The following PDE4D variants were observed in gnomAD, a reference collection of about 807,000 sequenced individuals.
PDE4D encodes the protein phosphodiesterase 4D.
In PDE4D, 24 loss-of-function variants were observed where a neutral mutation model predicts 87.4. That is an observed-to-expected ratio of 0.27 (90% CI 0.20 to 0.39). The LOEUF (loss-of-function observed/expected upper bound fraction) is 0.39. Among genes scored for constraint, PDE4D ranks in the 10% least tolerant of loss-of-function variants. PDE4D has a pLI of 1.00. For missense variants in PDE4D, 714 were observed against 1,041.0 expected (o/e 0.69, Z 4.32); for synonymous variants, 384 against 383.2 (o/e 1.00, Z -0.02).
chr5:59,625,163 C>A (rs1316350348), intron 1 of PDE4D, among the ~76,000 whole-genome samples: 1 of 152,122 alleles, frequency 6.6e-6, no homozygotes, highest in Non-Finnish European at 1.5e-5. Context: ...AGAGTGCTTT[C>A]TTTAGCTAGA....
intron 2 of PDE4D, among the ~76,000 whole-genome samples, chr5:60,108,565 C>T (rs1777305496): frequency 6.6e-6 from 1 of 152,216 alleles, no homozygotes; most frequent in Non-Finnish European, 1.5e-5. Context: ...AATCCTAAGC[C>T]AAAAGAACAA....
At chr5:59,528,868 T>C (rs1159469468) in intron 1 of PDE4D, 1 of 296,074 alleles carries the variant, frequency 3.4e-6, no homozygotes, top group Non-Finnish European at 6.7e-6. Context: ...CAAAATGTCA[T>C]TCCCAAAGTT....
intron 2 of PDE4D, among the ~76,000 whole-genome samples, chr5:60,126,031 C>A (rs1175157344): frequency 1.3e-5 from 2 of 152,056 alleles, no homozygotes; most frequent in Admixed American, 6.6e-5. Flanking sequence ...GGGCATGGTT[C>A]TTTTGAGTTA....
At chr5:59,469,916 A>G (rs1802188003) in intron 1 of PDE4D, among the ~76,000 whole-genome samples, 1 of 152,140 alleles carries the variant, frequency 6.6e-6, no homozygotes, top group African/African-American at 2.4e-5. Context: ...GGTCAAAACC[A>G]AGAAGCACAA....
At chr5:59,322,812 A>G (rs1774953853) in intron 1 of PDE4D, among the ~76,000 whole-genome samples, 1 of 152,100 alleles carries the variant, frequency 6.6e-6, no homozygotes, top group Admixed American at 6.6e-5. Context: ...ACGCCCTGGG[A>G]GATCACTGGT....
At chr5:60,150,636 T>C (rs1299771339) in intron 2 of PDE4D, among the ~76,000 whole-genome samples, 1 of 152,182 alleles carries the variant, frequency 6.6e-6, no homozygotes, top group Non-Finnish European at 1.5e-5. Flanking sequence ...CTGTGTCCTC[T>C]GTCATTATAA....
intron 2 of PDE4D, among the ~76,000 whole-genome samples, chr5:59,197,900 C>G (rs144592059): frequency 6.6e-6 from 1 of 152,168 alleles, no homozygotes; most frequent in Admixed American, 6.5e-5. Context: ...CGCCTTGCCA[C>G]GTAAAGTGGG....
chr5:59,220,377 CAAAAAA>C (rs57610513), intron 1 of PDE4D, among the ~76,000 whole-genome samples: 34 of 36,150 alleles, frequency 9.4e-4, no homozygotes, highest in South Asian at 6.6e-3. Flanking sequence ...GACTCTGTCT[CAAAAAA>C]AAAAAAAAAA....
chr5:59,216,513 G>C (rs987104370), intron 1 of PDE4D, among the ~76,000 whole-genome samples: 1 of 152,024 alleles, frequency 6.6e-6, no homozygotes, highest in Non-Finnish European at 1.5e-5. Context: ...CTTTATATTA[G>C]TGTCTTGAAT....
intron 5 of PDE4D, among the ~76,000 whole-genome samples, chr5:59,067,285 G>A (rs1764093921): frequency 6.6e-6 from 1 of 151,960 alleles, no homozygotes; most frequent in Admixed American, 6.6e-5. Context: ...CCAAAGTGCT[G>A]GGATTACAGG....
At chr5:59,807,685 CA>C (rs1419504755) in intron 1 of PDE4D, among the ~76,000 whole-genome samples, 1 of 152,168 alleles carries the variant, frequency 6.6e-6, no homozygotes, top group Admixed American at 6.5e-5. Context: ...ACTGAGGGAG[CA>C]GATAGAACCG....
At chr5:59,629,003 T>C (rs1201463536) in intron 1 of PDE4D, among the ~76,000 whole-genome samples, 1 of 152,134 alleles carries the variant, frequency 6.6e-6, no homozygotes, top group Non-Finnish European at 1.5e-5. Context: ...GGAAAGCCCC[T>C]TAAAAAACCA....
chr5:59,989,911 C>T (rs1762838219), intron 2 of PDE4D, among the ~76,000 whole-genome samples: 2 of 152,054 alleles, frequency 1.3e-5, no homozygotes, highest in Admixed American at 1.3e-4. Flanking sequence ...CTCTCTAAGG[C>T]TTCTGTTTCT....
intron 1 of PDE4D, among the ~76,000 whole-genome samples, chr5:59,857,228 G>C (rs1031914564): frequency 1.3e-5 from 2 of 152,128 alleles, no homozygotes; most frequent in African/African-American, 4.8e-5. Flanking sequence ...TACACATCAC[G>C]CATTTGTCCA....
intron 1 of PDE4D, among the ~76,000 whole-genome samples, chr5:60,441,150 G>T (rs1745174765): frequency 6.6e-6 from 1 of 152,062 alleles, no homozygotes; most frequent in South Asian, 2.1e-4. Context: ...TAAGCAAAAA[G>T]AACAAACTGG....
chr5:60,357,893 C>T (rs779573199), intron 1 of PDE4D, among the ~76,000 whole-genome samples: 1 of 152,190 alleles, frequency 6.6e-6, no homozygotes, highest in Non-Finnish European at 1.5e-5. Flanking sequence ...TATTTCACAT[C>T]TCCACTTACC....
At chr5:59,239,178 C>T (rs1402025661) in intron 1 of PDE4D, among the ~76,000 whole-genome samples, 1 of 152,234 alleles carries the variant, frequency 6.6e-6, no homozygotes, top group Non-Finnish European at 1.5e-5. Context: ...GTACTGCTGT[C>T]TGTTGATAGA....
intron 1 of PDE4D, among the ~76,000 whole-genome samples, chr5:59,487,377 T>A (rs978999121): frequency 1.3e-5 from 2 of 152,124 alleles, no homozygotes; most frequent in East Asian, 3.9e-4. Context: ...CATTTGAGGT[T>A]TTTTTCGTGT....
chr5:59,877,218 C>T (rs1450709418), intron 1 of PDE4D, among the ~76,000 whole-genome samples: 2 of 152,016 alleles, frequency 1.3e-5, no homozygotes, highest in African/African-American at 4.8e-5. Flanking sequence ...GTTTTGCCTG[C>T]ATGTTCGTTT....
Sources: gnomAD v4.1 joint callset for allele counts (sites outside exome capture counted in the v4.1 genomes callset) on GRCh38, gnomAD v4.1.1 for gene constraint, MANE v1.5 for transcripts, NCBI Gene and HGNC (gene_info 2026-07-23, HGNC 2026-07-21) for gene names.